Variants in FTO observed in about 807,000 individuals in gnomAD.
The protein encoded by FTO is alpha-ketoglutarate-dependent dioxygenase FTO.
In FTO, 47 loss-of-function variants were observed where a neutral mutation model predicts 63.9. That is an observed-to-expected ratio of 0.74 (90% CI 0.58 to 0.94). FTO has a LOEUF of 0.94. FTO is among the 40% of genes least tolerant of loss of function. FTO has a pLI of 0.00. For synonymous variants in FTO, 207 were observed against 224.4 expected, an observed-to-expected ratio of 0.92 and a Z score of 0.69; for missense variants, 562 against 618.1, an observed-to-expected ratio of 0.91 and a Z score of 0.96.
chr16:54,025,882 G>A (rs1357544897), intron 8 of FTO, among the ~76,000 whole-genome samples: 5 of 152,134 alleles, frequency 3.3e-5, no homozygotes, highest in African/African-American at 7.2e-5. Flanking sequence ...GCATGGGGGC[G>A]GGTGCCTGTA....
intron 2 of FTO, among the ~76,000 whole-genome samples, chr16:53,821,097 G>A (rs1287773445): frequency 6.6e-6 from 1 of 152,140 alleles, no homozygotes; most frequent in Non-Finnish European, 1.5e-5. Flanking sequence ...ATCTTATGCA[G>A]TGTTGAGACC....
In FTO at chr16:53,984,407, C is replaced by T. The variant is rs1448323128; in HGVS notation, c.1364+50298C>T. Among the ~76,000 whole-genome samples, 7 of 139,388 alleles carry T rather than the reference C, an allele frequency of 5.0e-5. No individual in the cohort carries two copies. The East Asian group carries it at 1.2e-3, about 24-fold the overall frequency. 91.4% of individuals were successfully genotyped at this position (139,388 alleles called of 152,430 possible). Reference sequence around the variant, plus strand: ...ATGCCATGATGGCTCACTGCAGACTCGACCTCCCCAGCTCAAGTGATCCTC... The same window carrying T: ...ATGCCATGATGGCTCACTGCAGACTTGACCTCCCCAGCTCAAGTGATCCTC... On this transcript the variant is annotated intron_variant, in intron 8 of 8. Transcript: ENST00000471389.
Position 53,714,434 on chromosome 16 carries a change from C to T in FTO, c.45+10205C>T, listed in dbSNP as rs527895602. Among the ~76,000 whole-genome samples the T allele has an allele frequency of 3.5e-4, 54 of 152,314 alleles. No homozygotes were observed. In the South Asian group the frequency reaches 0.011, roughly 30 times the overall value. On this transcript the variant is annotated intron_variant, in intron 1 of 8. Transcript: ENST00000471389. Reference sequence around the variant, plus strand: ...TTTTCTATTTCTATGTACAGCCGTCCATTATCTCACTATTTTCCAGTTTGC... The same window carrying T: ...TTTTCTATTTCTATGTACAGCCGTCTATTATCTCACTATTTTCCAGTTTGC...
chr16:53,767,627 A>T (rs962994664), intron 1 of FTO, among the ~76,000 whole-genome samples: 1 of 151,942 alleles, frequency 6.6e-6, no homozygotes, highest in Non-Finnish European at 1.5e-5. Flanking sequence ...TCAAGGTGTC[A>T]TTATTAAGCC....
intron 1 of FTO, among the ~76,000 whole-genome samples, chr16:53,706,646 G>A (rs1333520797): frequency 6.6e-6 from 1 of 152,056 alleles, no homozygotes; most frequent in East Asian, 1.9e-4. Context: ...CCGTCCTCCT[G>A]CCTCTGCTAC....
chr16:53,908,808 CA>C (rs2081606158), intron 7 of FTO, among the ~76,000 whole-genome samples: 1 of 152,204 alleles, frequency 6.6e-6, no homozygotes, highest in African/African-American at 2.4e-5. Context: ...CAAGAATCTT[CA>C]TGCTGACTGA....
chr16:54,093,963 T>C (rs2086454813), intron 8 of FTO, among the ~76,000 whole-genome samples: 1 of 152,096 alleles, frequency 6.6e-6, no homozygotes. Context: ...TGTGGCTGTC[T>C]CAGTTTGACA....
intron 1 of FTO, among the ~76,000 whole-genome samples, chr16:53,710,889 A>G (rs752314506): frequency 2.0e-5 from 3 of 151,616 alleles, no homozygotes; most frequent in East Asian, 3.9e-4. Flanking sequence ...AAGTTACAAT[A>G]TAGTGGTGTA....
At chr16:53,878,101 C>G (rs2080717834) in intron 5 of FTO, among the ~76,000 whole-genome samples, 1 of 152,134 alleles carries the variant, frequency 6.6e-6, no homozygotes, top group Non-Finnish European at 1.5e-5. Context: ...GAGTTCGAGA[C>G]CAGCCTGTCC....
At chr16:53,754,080 C>T (rs957466600) in intron 1 of FTO, among the ~76,000 whole-genome samples, 1 of 152,132 alleles carries the variant, frequency 6.6e-6, no homozygotes, top group African/African-American at 2.4e-5. Flanking sequence ...CTTTTATGAT[C>T]CCTCTTTTAG....
intron 7 of FTO, among the ~76,000 whole-genome samples, chr16:53,920,468 C>T (rs1316235457): frequency 8.5e-5 from 13 of 152,220 alleles, no homozygotes; most frequent in African/African-American, 2.7e-4. Context: ...AGTTTTTGTA[C>T]TGTCCAGATC....
intron 8 of FTO, among the ~76,000 whole-genome samples, chr16:53,989,518 G>A (rs1204890592): frequency 2.0e-5 from 3 of 152,114 alleles, no homozygotes; most frequent in African/African-American, 7.2e-5. Context: ...TGTAGTTGGG[G>A]AGGTAGAATA....
chr16:53,949,020 C>T (rs1446902004), intron 8 of FTO, among the ~76,000 whole-genome samples: 1 of 152,146 alleles, frequency 6.6e-6, no homozygotes, highest in Non-Finnish European at 1.5e-5. Flanking sequence ...CTTTTATAAA[C>T]AAAGTATATG....
chr16:53,830,556 G>C (rs2079115034), intron 3 of FTO, among the ~76,000 whole-genome samples: 1 of 152,150 alleles, frequency 6.6e-6, no homozygotes, highest in Non-Finnish European at 1.5e-5. Flanking sequence ...TTTTAAACTA[G>C]TGCCAAGTAT....
chr16:53,823,694 C>T (rs757191754), intron 2 of FTO, among the ~76,000 whole-genome samples: 3 of 152,052 alleles, frequency 2.0e-5, no homozygotes, highest in Non-Finnish European at 4.4e-5. Context: ...AACTTCTATC[C>T]TGAGCAACAG....
At chr16:53,950,164 A>AAAAAAAAAAAAAAAACAAAC (rs2082748835) in intron 8 of FTO, among the ~76,000 whole-genome samples, 1 of 146,118 alleles carries the variant, frequency 6.8e-6, no homozygotes. Context: ...GTAAAAAAAA[A>AAAAAAAAAAAAAAAACAAAC]AAAAAAAAAA....
chr16:54,053,797 G>C (rs1465311077), intron 8 of FTO, among the ~76,000 whole-genome samples: 1 of 152,072 alleles, frequency 6.6e-6, no homozygotes, highest in Non-Finnish European at 1.5e-5. Context: ...TACAAAAAAA[G>C]CATTTACCCT....
chr16:53,811,979 A>AT lies in FTO; in HGVS notation c.123+1768dup, dbSNP rs570479851. Among the ~76,000 whole-genome samples, 909 of 151,922 alleles carry AT rather than the reference A, an allele frequency of 6.0e-3. 2 individuals carry two copies. Among genetic ancestry groups the AT allele is most frequent in the Non-Finnish European group, 0.011 (729 of 67,944 alleles). ...TGGCATGTGCCACCACGCCTGGCTAATTTTTTGTATTTTTGTAGAGACAGG... is the reference window on the plus strand; with the variant it reads ...TGGCATGTGCCACCACGCCTGGCTAATTTTTTTGTATTTTTGTAGAGACAGG... On this transcript the variant is annotated intron_variant, in intron 2 of 8. Transcript: ENST00000471389.
chr16:53,990,363 G>A (rs181368410), intron 8 of FTO, among the ~76,000 whole-genome samples: 1 of 152,290 alleles, frequency 6.6e-6, no homozygotes, highest in Non-Finnish European at 1.5e-5. Flanking sequence ...AGTAGGTAGA[G>A]TAGCTTTCCA....
Sources: gnomAD v4.1 joint callset for allele counts (sites outside exome capture counted in the v4.1 genomes callset) on GRCh38, gnomAD v4.1.1 for gene constraint, MANE v1.5 for transcripts, NCBI Gene and HGNC (gene_info 2026-07-23, HGNC 2026-07-21) for gene names.